Variants in MARCHF3 observed in about 807,000 individuals in gnomAD.
MARCHF3 encodes the protein E3 ubiquitin-protein ligase MARCHF3.
In MARCHF3, 13 loss-of-function variants were observed where a neutral mutation model predicts 24.2. The observed-to-expected ratio is 0.54, with a 90% confidence interval of 0.35 to 0.85. MARCHF3 has a LOEUF of 0.85. Among genes scored for constraint, MARCHF3 ranks in the 40% least tolerant of loss-of-function variants. MARCHF3 has a pLI of 0.01. For synonymous variants in MARCHF3, 144 were observed against 137.3 expected (o/e 1.05, Z -0.34); for missense variants, 276 against 325.0 (o/e 0.85, Z 1.16).
At chr5:126,935,229 A>G (rs991202195) in intron 1 of MARCHF3, among the ~76,000 whole-genome samples, 2 of 152,278 alleles carry the variant, frequency 1.3e-5, no homozygotes, top group Admixed American at 1.3e-4. Flanking sequence ...TTTAACATTT[A>G]ACATTCAAAT....
At chr5:126,915,191 G>A (rs1176864603) in intron 2 of MARCHF3, 57 bp from the exon 3 acceptor site, 109 of 1,555,772 alleles carry the variant, frequency 7.0e-5, no homozygotes, top group Non-Finnish European at 8.5e-5. Flanking sequence ...CCACCAAGTG[G>A]ATGGCCCTCT....
chr5:126,943,718 T>G (rs1394425098), intron 1 of MARCHF3, among the ~76,000 whole-genome samples: 2 of 152,184 alleles, frequency 1.3e-5, no homozygotes, highest in Non-Finnish European at 2.9e-5. Context: ...AAATTGTTAT[T>G]GGTAGAAAAC....
At chr5:126,898,992 A>C (rs1252384191) in intron 3 of MARCHF3, 1 of 984,972 alleles carries the variant, frequency 1.0e-6, no homozygotes, top group African/African-American at 1.7e-5. Context: ...CTTCAAAAGC[A>C]TATTATTTCT....
intron 1 of MARCHF3, among the ~76,000 whole-genome samples, chr5:126,936,305 TGCA>T (rs915873062): frequency 5.9e-5 from 9 of 152,208 alleles, no homozygotes; most frequent in African/African-American, 2.2e-4. Flanking sequence ...ATGCACGATC[TGCA>T]GTACTTTTTA....
chr5:126,973,879 ATTTTTTTTTTTTTT>A (rs10585434), intron 1 of MARCHF3, among the ~76,000 whole-genome samples: 17 of 82,942 alleles, frequency 2.0e-4, no homozygotes, highest in African/African-American at 7.8e-4. Flanking sequence ...AGCAAAATCT[ATTTTTTTTTTTTTT>A]TTTTTTTTTT....
chr5:126,895,216 GT>G (rs1753835394), intron 3 of MARCHF3, among the ~76,000 whole-genome samples: 1 of 151,960 alleles, frequency 6.6e-6, no homozygotes, highest in African/African-American at 2.4e-5. Flanking sequence ...TTCTTCTAAA[GT>G]TTTTTCAAAG....
At chr5:126,985,186 G>A (rs535307292) in intron 1 of MARCHF3, among the ~76,000 whole-genome samples, 35 of 152,214 alleles carry the variant, frequency 2.3e-4, no homozygotes, top group African/African-American at 8.4e-4. Context: ...TAAGGCATAT[G>A]GTATGCCTAC....
intron 1 of MARCHF3, among the ~76,000 whole-genome samples, chr5:126,995,012 T>C (rs561246129): frequency 6.6e-6 from 1 of 152,354 alleles, no homozygotes; most frequent in South Asian, 2.1e-4. Context: ...TTCTTCTGCC[T>C]GCTTTATTCT....
chr5:126,975,878 T>C (rs1273533922), intron 1 of MARCHF3, among the ~76,000 whole-genome samples: 1 of 152,250 alleles, frequency 6.6e-6, no homozygotes, highest in Non-Finnish European at 1.5e-5. Flanking sequence ...CAATCTTCTC[T>C]AACTAGAAAA....
intron 1 of MARCHF3, among the ~76,000 whole-genome samples, chr5:126,983,193 G>C (rs1269324195): frequency 6.6e-6 from 1 of 152,164 alleles, no homozygotes; most frequent in East Asian, 1.9e-4. Flanking sequence ...GTCCCCACAG[G>C]TCCCAGAAGG....
At chr5:126,892,118 T>C (rs2126776319) in intron 3 of MARCHF3, among the ~76,000 whole-genome samples, 1 of 151,386 alleles carries the variant, frequency 6.6e-6, no homozygotes, top group African/African-American at 2.4e-5. Context: ...AGAATGCTTG[T>C]GATTTTTGTA....
At position 126,892,514 on chromosome 5, in the gene MARCHF3, G is replaced by C. The variant is rs1473144062; in HGVS notation, c.394-14120C>G. On this transcript the variant is annotated intron_variant, in intron 3 of 4. Coordinates refer to ENST00000308660, the MANE Select transcript of MARCHF3 (RefSeq NM_178450.5). The stretch of plus-strand genomic sequence containing the variant: ...TTAGCATGAAGGGTTGTTGAATTTT[G>C]TCAAAGGCTTTTTCTGCATCTATTG... Among the ~76,000 whole-genome samples, 24 of 148,516 alleles carry C rather than the reference G, an allele frequency of 1.6e-4. 1 individual carries two copies. The highest frequency in any genetic ancestry group is 1.6e-3 in the Admixed American group (24 of 15,000).
chr5:126,981,303 C>A (rs1751386678), intron 1 of MARCHF3, among the ~76,000 whole-genome samples: 1 of 152,204 alleles, frequency 6.6e-6, no homozygotes, highest in South Asian at 2.1e-4. Flanking sequence ...TTTACTCAAG[C>A]AAGGCTGTGC....
chr5:126,961,530 G>C (rs1750635761), intron 1 of MARCHF3, among the ~76,000 whole-genome samples: 1 of 151,914 alleles, frequency 6.6e-6, no homozygotes, highest in Non-Finnish European at 1.5e-5. Flanking sequence ...TTCCTTTTTT[G>C]TCCTATGCTG....
At chr5:126,886,781 T>C (rs1753523528) in intron 3 of MARCHF3, among the ~76,000 whole-genome samples, 2 of 152,122 alleles carry the variant, frequency 1.3e-5, no homozygotes, top group Admixed American at 6.6e-5. Flanking sequence ...CCCCCACAAA[T>C]AGATTCCTCT....
At chr5:126,896,001 A>C (rs943785717) in intron 3 of MARCHF3, among the ~76,000 whole-genome samples, 2 of 152,100 alleles carry the variant, frequency 1.3e-5, no homozygotes, top group African/African-American at 4.8e-5. Context: ...CAGGTGCGGG[A>C]TATAATCTGG....
At chr5:126,896,959 A>G (rs951516931) in intron 3 of MARCHF3, among the ~76,000 whole-genome samples, 2 of 151,912 alleles carry the variant, frequency 1.3e-5, no homozygotes, top group African/African-American at 4.8e-5. Context: ...GAGATACAGG[A>G]AAGGGTAAGA....
chr5:126,948,629 T>C (rs1373485097), intron 1 of MARCHF3, among the ~76,000 whole-genome samples: 1 of 152,200 alleles, frequency 6.6e-6, no homozygotes, highest in Admixed American at 6.5e-5. Context: ...CCTTGGGCTA[T>C]GTCTTAGGGG....
intron 1 of MARCHF3, among the ~76,000 whole-genome samples, chr5:126,966,977 T>G (rs1750841353): frequency 6.9e-6 from 1 of 145,064 alleles, no homozygotes; most frequent in Non-Finnish European, 1.5e-5. Context: ...TTTAAAGAAT[T>G]TTTTATTTTC....
Sources: gnomAD v4.1 joint callset for allele counts (sites outside exome capture counted in the v4.1 genomes callset) on GRCh38, gnomAD v4.1.1 for gene constraint, MANE v1.5 for transcripts, NCBI Gene and HGNC (gene_info 2026-07-23, HGNC 2026-07-21) for gene names.